The following COL4A5 variants were observed in gnomAD, a reference collection of about 807,000 sequenced individuals.
The protein encoded by COL4A5 is collagen type IV alpha 5 chain.
Under a neutral mutation model 130.2 loss-of-function variants are expected in COL4A5, and 26 were observed. That is an observed-to-expected ratio of 0.20 (90% CI 0.15 to 0.28). The LOEUF is 0.28. COL4A5 is among the 10% of genes least tolerant of loss of function. The pLI is 1.00. For missense variants in COL4A5, 1,131 were observed against 1,344.3 expected (o/e 0.84, Z 2.48); for synonymous variants, 496 against 439.6 (o/e 1.13, Z -1.60).
intron 37 of COL4A5, among the ~76,000 whole-genome samples, chrX:108,661,142 T>C (rs1257800206): frequency 8.9e-6 from 1 of 111,922 alleles, no homozygotes; most frequent in East Asian, 2.8e-4. Flanking sequence ...CTTTATATGT[T>C]CACACGATGA....
At chrX:108,689,038 A>T (rs1293535816) in intron 49 of COL4A5, among the ~76,000 whole-genome samples, 1 of 111,589 alleles carries the variant, frequency 9.0e-6, no homozygotes, top group African/African-American at 3.3e-5. Context: ...GGGTTTGCCC[A>T]ATAGCTTTCT....
At chrX:108,610,765 A>T (rs1298410528) in intron 29 of COL4A5, among the ~76,000 whole-genome samples, 1 of 111,747 alleles carries the variant, frequency 8.9e-6, no homozygotes, top group Non-Finnish European at 1.9e-5. Flanking sequence ...ATTCTCAATT[A>T]TTAAAAGCCG....
At chrX:108,504,693 C>CTT (rs767778526) in intron 1 of COL4A5, among the ~76,000 whole-genome samples, 32 of 112,177 alleles carry the variant, frequency 2.9e-4, no homozygotes, top group African/African-American at 9.4e-4. Context: ...AATGAAGTGC[C>CTT]ACCTTACCCC....
intron 1 of COL4A5, among the ~76,000 whole-genome samples, chrX:108,524,321 T>A (rs1275969303): frequency 9.0e-6 from 1 of 110,761 alleles, no homozygotes; most frequent in Non-Finnish European, 1.9e-5. Flanking sequence ...TAGATGCCCT[T>A]ATCAAGTTGA....
At chrX:108,482,959 A>G (rs897161473) in intron 1 of COL4A5, among the ~76,000 whole-genome samples, 3 of 111,766 alleles carry the variant, frequency 2.7e-5, no homozygotes, top group Non-Finnish European at 5.6e-5. Flanking sequence ...TGAGTGGTGA[A>G]TCAAGAGTGT....
intron 1 of COL4A5, among the ~76,000 whole-genome samples, chrX:108,472,435 A>C (rs756935397): frequency 1.8e-5 from 2 of 112,205 alleles, no homozygotes; most frequent in African/African-American, 6.5e-5. Context: ...CGAAGTATCC[A>C]ACAATCATTA....
intron 19 of COL4A5, among the ~76,000 whole-genome samples, chrX:108,588,872 G>C (rs1336678042): frequency 9.0e-6 from 1 of 111,341 alleles, no homozygotes; most frequent in African/African-American, 3.3e-5. Flanking sequence ...TAGGGATTCT[G>C]TATTACATTA....
chrX:108,512,514 G>A (rs1184714397), intron 1 of COL4A5, among the ~76,000 whole-genome samples: 2 of 111,665 alleles, frequency 1.8e-5, no homozygotes, highest in Admixed American at 1.9e-4. Flanking sequence ...ATATACCAAT[G>A]AAGATTTATT....
intron 37 of COL4A5, among the ~76,000 whole-genome samples, chrX:108,664,044 G>A (rs1452580147): frequency 9.0e-6 from 1 of 111,409 alleles, no homozygotes; most frequent in Non-Finnish European, 1.9e-5. Flanking sequence ...AATTAGCCGG[G>A]CATGGTGGCA....
At chrX:108,608,477 C>A (rs956801586) in intron 29 of COL4A5, among the ~76,000 whole-genome samples, 2 of 110,915 alleles carry the variant, frequency 1.8e-5, no homozygotes, top group Non-Finnish European at 3.8e-5. Context: ...TTACTGTCAA[C>A]ATTTTACTAT....
intron 1 of COL4A5, among the ~76,000 whole-genome samples, chrX:108,474,794 C>T (rs1184076720): frequency 9.0e-6 from 1 of 111,061 alleles, no homozygotes; most frequent in African/African-American, 3.3e-5. Context: ...GATAAGAGTT[C>T]ATTTTCTTTC....
At position 108,687,592 on chromosome X, in the gene COL4A5, A is replaced by C; in HGVS notation, c.4426A>C (p.Thr1476Pro). The C allele has an allele frequency of 8.3e-7, 1 of 1,211,574 alleles. No individual in the cohort carries two copies. The part of the protein sequence containing the change: ...HGFLITRHSQ[T>P]TDAPQCPQGT... ...ATTTCTTATTACACGCCACAGCCAG[A>C]CAACGGATGCACCACAATGCCCACA... The change falls in exon 49 of 53, where the codon ACA (threonine) becomes CCA (proline). Residue 1476 changes from threonine to proline, a missense_variant. Coordinates refer to ENST00000328300, the MANE Select transcript of COL4A5 (RefSeq NM_033380.3).
chrX:108,686,249 G>A, intron 48 of COL4A5, 120 bp downstream of exon 48: 1 of 565,439 alleles, frequency 1.8e-6, no homozygotes, highest in South Asian at 2.5e-5. Flanking sequence ...TAGCTGACTG[G>A]TGAATGTGGA....
chrX:108,641,552 C>A (rs776767810), intron 36 of COL4A5, among the ~76,000 whole-genome samples: 1 of 111,998 alleles, frequency 8.9e-6, no homozygotes, highest in Non-Finnish European at 1.9e-5. Context: ...AGGAGACACC[C>A]CAAATACTGT....
chrX:108,488,674 T>G (rs1298228463), intron 1 of COL4A5, among the ~76,000 whole-genome samples: 2 of 112,283 alleles, frequency 1.8e-5, no homozygotes, highest in Non-Finnish European at 3.8e-5. Context: ...TGAATAAGGT[T>G]GAGCACCTTT....
chrX:108,613,253 T>C lies in COL4A5; in HGVS notation c.2396-1658T>C, dbSNP rs182103201. Reference sequence around the variant, plus strand: ...TTTTAGTCTTTATGGGCTACATATATGGTCTCTGTCACATATTCTTTTTTA... The same window carrying C: ...TTTTAGTCTTTATGGGCTACATATACGGTCTCTGTCACATATTCTTTTTTA... On this transcript the variant is annotated intron_variant, in intron 29 of 52. Transcript: ENST00000328300. Among the ~76,000 whole-genome samples the C allele has an allele frequency of 3.6e-5, 4 of 111,938 alleles. No homozygotes were observed. In the Admixed American group the frequency reaches 3.8e-4, roughly 11 times the overall value.
chrX:108,526,472 CCT>C (rs2065312215), intron 1 of COL4A5, among the ~76,000 whole-genome samples: 1 of 109,847 alleles, frequency 9.1e-6, no homozygotes, highest in African/African-American at 3.3e-5. Flanking sequence ...CTTTCCTTTT[CCT>C]CTTTCTTTCT....
At position 108,687,651 on chromosome X, in the gene COL4A5, C is replaced by T; in HGVS notation, c.4485C>T (p.Leu1495=). The change falls in exon 49 of 53, where the codon CTC becomes CTT. Residue 1495 remains leucine (L), a synonymous_variant. Coordinates refer to ENST00000328300, the MANE Select transcript of COL4A5 (RefSeq NM_033380.3). ...GTLQVYEGFS[L]LYVQGNKRAH... ...TTCAGGTCTATGAAGGCTTTTCTCT[C>T]CTGTATGTACAAGGAAATAAAAGAG... is the stretch of plus-strand genomic sequence containing the variant. The T allele has an allele frequency of 8.3e-7, 1 of 1,211,106 alleles. No individual in the cohort carries two copies. Among genetic ancestry groups the T allele is most frequent in the African/African-American group, 1.7e-5 (1 of 57,671 alleles).
At chrX:108,614,389 A>G (rs903291653) in intron 29 of COL4A5, among the ~76,000 whole-genome samples, 2 of 111,614 alleles carry the variant, frequency 1.8e-5, no homozygotes, top group Non-Finnish European at 3.8e-5. Context: ...GTGTACACTA[A>G]AAAGACAGAA....
Sources: allele counts gnomAD v4.1 joint callset (sites outside exome capture counted in the v4.1 genomes callset), GRCh38; gene constraint gnomAD v4.1.1; transcripts MANE v1.5; gene names NCBI Gene and HGNC (gene_info 2026-07-23, HGNC 2026-07-21).